Variants in NUTM2E observed in about 807,000 individuals in gnomAD.
NUTM2E encodes NUT family member 2E, also known as family with sequence similarity 22, member E.
In NUTM2E, 3 loss-of-function variants were observed where a neutral mutation model predicts 26.1. That is an observed-to-expected ratio of 0.12 (90% CI 0.05 to 0.30). The LOEUF (loss-of-function observed/expected upper bound fraction) is 0.30. Among genes scored for constraint, NUTM2E ranks in the 10% least tolerant of loss-of-function variants. The pLI, the probability that NUTM2E is intolerant of heterozygous loss-of-function variation, is 1.00. For missense variants in NUTM2E, 62 were observed against 381.3 expected, an observed-to-expected ratio of 0.16 and a Z score of 6.97; for synonymous variants, 13 against 157.5, an observed-to-expected ratio of 0.08 and a Z score of 6.87.
intron 1 of NUTM2E, among the ~76,000 whole-genome samples, chr10:79,836,652 A>G (rs1277026886): frequency 6.6e-6 from 1 of 151,932 alleles, no homozygotes; most frequent in Non-Finnish European, 1.5e-5. Flanking sequence ...CTTCACATCC[A>G]CTACCTCATA....
intron 1 of NUTM2E, among the ~76,000 whole-genome samples, chr10:79,828,495 A>C (rs1321448039): frequency 6.6e-6 from 1 of 151,856 alleles, no homozygotes; most frequent in Non-Finnish European, 1.5e-5. Context: ...GTCACACTCT[A>C]TATTTTTCTT....
chr10:79,831,304 C>G (rs57370377), intron 1 of NUTM2E, among the ~76,000 whole-genome samples: 3,231 of 151,414 alleles, frequency 0.021, 127 homozygotes, highest in African/African-American at 0.074. Context: ...TTGAAGTAAA[C>G]TACTTAACAG....
rs964744511 is a variant in NUTM2E at position 79,827,137 on chromosome 10, C to A, written c.-2948C>A. 6.5e-6 allele frequency: 1 copy of A among 152,910 alleles called. No homozygotes were observed. Among genetic ancestry groups the A allele is most frequent in the Non-Finnish European group, 1.5e-5 (1 of 67,906 alleles). 9.5% of individuals were successfully genotyped at this position (152,910 alleles called of 1,614,324 possible). ...GCCCCTCGCCCCTGGCCGGGCCAGC[C>A]TCTTGATGCACCGGGGACGGGCGCG... is the stretch of plus-strand genomic sequence containing the variant. On this transcript the variant is annotated 5_prime_UTR_variant, in exon 1 of 10. Transcript: ENST00000429984.
rs1204165542 is a variant in NUTM2E at position 79,827,256 on chromosome 10, G to A, written c.-2829G>A. On this transcript the variant is annotated 5_prime_UTR_variant, in exon 1 of 10. Transcript: ENST00000429984. ...TTGGCTTCAGCGGAATACCTACTGT[G>A]CGGGATTATTCAACAAGCCGATTGA... 1 of 152,846 alleles carries A rather than the reference G, an allele frequency of 6.5e-6. No homozygotes were observed. Among genetic ancestry groups the A allele is most frequent in the Non-Finnish European group, 1.5e-5 (1 of 67,794 alleles). The allele number at this position is 152,846 out of a possible 1,614,324, so 9.5% of individuals were successfully genotyped here.
In NUTM2E at chr10:79,840,405, C is replaced by T. The variant is rs1295652274; in HGVS notation, c.-1336C>T. On this transcript the variant is annotated 5_prime_UTR_variant, in exon 4 of 10. Transcript: ENST00000429984. Reference sequence around the variant, plus strand: ...TCTCAGAGGACAAAAGGCCTGGGAGCACCCAGACAGACAGTCACTGCATGG... The same window carrying T: ...TCTCAGAGGACAAAAGGCCTGGGAGTACCCAGACAGACAGTCACTGCATGG... 6.8e-6 allele frequency among the ~76,000 whole-genome samples: 1 copy of T among 146,342 alleles called. No individual in the cohort carries two copies. Among genetic ancestry groups the T allele is most frequent in the East Asian group, 2.0e-4 (1 of 5,078 alleles).
chr10:79,836,192 C>G (rs1841962588), intron 1 of NUTM2E, among the ~76,000 whole-genome samples: 1 of 151,650 alleles, frequency 6.6e-6, no homozygotes, highest in South Asian at 2.1e-4. Context: ...TTTGTAGAAA[C>G]TGGGCTTTAA....
chr10:79,835,512 T>C (rs1332107646), intron 1 of NUTM2E, among the ~76,000 whole-genome samples: 1 of 103,836 alleles, frequency 9.6e-6, no homozygotes, highest in Non-Finnish European at 2.0e-5. Context: ...TCCTAGATAT[T>C]TTCTGCCACG....
At chr10:79,839,165 G>T (rs1425253571) in intron 3 of NUTM2E, among the ~76,000 whole-genome samples, 50 bp downstream of exon 3, 1 of 151,534 alleles carries the variant, frequency 6.6e-6, no homozygotes, top group Non-Finnish European at 1.5e-5. Flanking sequence ...TTGCTGAAAG[G>T]TTTACCTTTG....
intron 1 of NUTM2E, 171 bp downstream of exon 1, chr10:79,827,528 C>T (rs1263913352): frequency 2.1e-5 from 3 of 142,240 alleles, no homozygotes; most frequent in Non-Finnish European, 3.0e-5. Context: ...TGTTCTAGAG[C>T]AATGTCTTTC....
chr10:79,834,376 A>G (rs1841947528), intron 1 of NUTM2E, among the ~76,000 whole-genome samples: 1 of 151,816 alleles, frequency 6.6e-6, no homozygotes, highest in Non-Finnish European at 1.5e-5. Context: ...TTTCATTAAT[A>G]ATATTTCTCA....
intron 3 of NUTM2E, among the ~76,000 whole-genome samples, 178 bp downstream of exon 3, chr10:79,839,293 C>T (rs972950755): frequency 1.3e-5 from 2 of 150,984 alleles, no homozygotes; most frequent in African/African-American, 2.4e-5. Flanking sequence ...TTTTCCTACT[C>T]AGTCTGGAGG....
chr10:79,828,075 G>A (rs1464913256), intron 1 of NUTM2E, among the ~76,000 whole-genome samples: 4 of 151,486 alleles, frequency 2.6e-5, no homozygotes, highest in Admixed American at 1.3e-4. Context: ...GATTACAGGC[G>A]TGAGCCACCG....
At chr10:79,835,903 C>T (rs199738533) in intron 1 of NUTM2E, among the ~76,000 whole-genome samples, 26,841 of 141,610 alleles carry the variant, frequency 0.19, 3,504 homozygotes, top group African/African-American at 0.36. Context: ...TTTTGCCACA[C>T]GATTATGCTA....
rs572949686 is a variant in NUTM2E at position 79,832,279 on chromosome 10, A to G, written c.-2728+4922A>G. The stretch of plus-strand genomic sequence containing the variant: ...GCAGTGGGATTACCTTGGTATGGCC[A>G]TAAGAATTTATCTGGGAGATGTCTA... On this transcript the variant is annotated intron_variant, in intron 1 of 9. Transcript: ENST00000429984. Among the ~76,000 whole-genome samples the G allele has an allele frequency of 5.2e-4, 79 of 151,866 alleles. 2 individuals carry two copies. Among genetic ancestry groups the G allele is most frequent in the Non-Finnish European group, 9.7e-4 (66 of 67,862 alleles).
chr10:79,839,468 T>G (rs571432027), intron 3 of NUTM2E, among the ~76,000 whole-genome samples, 160 bp from the exon 4 acceptor site: 1,959 of 151,466 alleles, frequency 0.013, 49 homozygotes, highest in Middle Eastern at 0.024. Flanking sequence ...AAGCAGCAGA[T>G]ACTAAGGGAA....
Position 79,827,760 on chromosome 10 carries a change from C to T in NUTM2E, c.-2728+403C>T, listed in dbSNP as rs142404626. The stretch of plus-strand genomic sequence containing the variant: ...TAATTTTCTGCTTCCTCACACTCTC[C>T]CATACTAAATGAATTATTTAGTGGT... On this transcript the variant is annotated intron_variant, in intron 1 of 9. Coordinates refer to ENST00000429984, the MANE Select transcript of NUTM2E (RefSeq NM_001355263.2). Among the ~76,000 whole-genome samples, 632 of 150,130 alleles carry T rather than the reference C, an allele frequency of 4.2e-3. 6 individuals carry two copies. The highest frequency in any genetic ancestry group is 0.015 in the African/African-American group (605 of 40,928).
rs1841887088 is a variant in NUTM2E at position 79,827,007 on chromosome 10, G to GTCGCCTCGCGTCGCCTCGCC, written c.-3069_-3068insGTCGCCTCGCCTCGCCTCGC. The GTCGCCTCGCGTCGCCTCGCC allele has an allele frequency of 8.8e-6, 1 of 113,778 alleles. No individual in the cohort carries two copies. Among genetic ancestry groups the GTCGCCTCGCGTCGCCTCGCC allele is most frequent in the Non-Finnish European group, 1.8e-5 (1 of 54,728 alleles). The allele number at this position is 113,778 out of a possible 1,614,324, so 7.0% of individuals were successfully genotyped here. A position where few individuals can be genotyped will look rare whatever the true frequency, so the allele number is the denominator to read the frequency against. ...GTTCTCCCTAAGCACCCTCGCTCAC[G>GTCGCCTCGCGTCGCCTCGCC]TCGCCTCGCCTCGCCTGACCGGCCG... On this transcript the variant is annotated 5_prime_UTR_variant, in exon 1 of 10. Transcript: ENST00000429984.
At chr10:79,831,494 C>T (rs949045415) in intron 1 of NUTM2E, among the ~76,000 whole-genome samples, 2 of 150,954 alleles carry the variant, frequency 1.3e-5, no homozygotes, top group African/African-American at 4.9e-5. Context: ...AGCCAGAGAC[C>T]AGGTTTGGCA....
At chr10:79,829,545 C>G (rs528370715) in intron 1 of NUTM2E, among the ~76,000 whole-genome samples, 14 of 152,068 alleles carry the variant, frequency 9.2e-5, no homozygotes, top group African/African-American at 2.4e-4. Flanking sequence ...ACCACACTTG[C>G]AAGCCTTCAG....
Sources: allele counts gnomAD v4.1 joint callset (sites outside exome capture counted in the v4.1 genomes callset), GRCh38; gene constraint gnomAD v4.1.1; transcripts MANE v1.5; gene names NCBI Gene and HGNC (gene_info 2026-07-23, HGNC 2026-07-21).